GSK3B: variants seen among roughly 807,000 people sequenced by gnomAD.
GSK3B encodes the protein glycogen synthase kinase 3 beta.
GSK3B carries 15 observed loss-of-function variants against 56.4 expected under a neutral mutation model. The ratio of observed to expected loss-of-function variants is 0.27; its 90% CI spans 0.18 to 0.41. The LOEUF is 0.41. GSK3B is among the 10% of genes least tolerant of loss of function. The probability of loss-of-function intolerance (pLI) is 1.00; values close to 1 mark genes in which losing one functional copy is unlikely to be tolerated. For synonymous variants in GSK3B, 181 were observed against 188.9 expected (o/e 0.96, Z 0.34); for missense variants, 300 against 513.4 (o/e 0.58, Z 4.02).
At chr3:119,919,449 GA>G (rs1331490297) in intron 4 of GSK3B, among the ~76,000 whole-genome samples, 1 of 149,476 alleles carries the variant, frequency 6.7e-6, no homozygotes, top group East Asian at 2.0e-4. Context: ...AGATAAAAGG[GA>G]TCGATGTCCC....
intron 1 of GSK3B, among the ~76,000 whole-genome samples, chr3:120,008,142 A>C (rs2057745607): frequency 1.3e-5 from 2 of 152,204 alleles, no homozygotes; most frequent in African/African-American, 4.8e-5. Flanking sequence ...GGCTACTAAG[A>C]GAATAAAATA....
chr3:119,913,201 C>A (rs1222431499), intron 5 of GSK3B, among the ~76,000 whole-genome samples: 1 of 152,104 alleles, frequency 6.6e-6, no homozygotes, highest in East Asian at 1.9e-4. Flanking sequence ...ATACTCCTCA[C>A]CCAATGTATT....
chr3:119,910,644 C>T (rs1345271735), intron 6 of GSK3B, among the ~76,000 whole-genome samples: 1 of 152,150 alleles, frequency 6.6e-6, no homozygotes, highest in East Asian at 1.9e-4. Flanking sequence ...AAGTTTGCCA[C>T]ATCAACTGAC....
At chr3:119,948,823 T>C (rs930358930) in intron 2 of GSK3B, among the ~76,000 whole-genome samples, 1 of 152,080 alleles carries the variant, frequency 6.6e-6, no homozygotes, top group Non-Finnish European at 1.5e-5. Flanking sequence ...CTCAGCCTCC[T>C]GAGTAGCTGG....
intron 3 of GSK3B, among the ~76,000 whole-genome samples, chr3:119,944,309 T>C (rs2057078570): frequency 6.6e-6 from 1 of 152,160 alleles, no homozygotes. Context: ...GGGTTTCTTT[T>C]TACTGTCTTA....
chr3:119,865,765 G>A (rs949652092), intron 8 of GSK3B, among the ~76,000 whole-genome samples: 4 of 151,768 alleles, frequency 2.6e-5, no homozygotes, highest in South Asian at 2.1e-4. Flanking sequence ...CACCGTGCCC[G>A]GCCTATTTCC....
chr3:119,933,829 A>T (rs1395197687), intron 3 of GSK3B, among the ~76,000 whole-genome samples: 1 of 152,224 alleles, frequency 6.6e-6, no homozygotes, highest in Non-Finnish European at 1.5e-5. Context: ...GTGAGCAGAG[A>T]TCAAGCCACT....
At chr3:119,917,672 A>G (rs2319400) in intron 4 of GSK3B, among the ~76,000 whole-genome samples, 59,103 of 127,172 alleles carry the variant, frequency 0.46, 13,169 homozygotes, top group African/African-American at 0.7. Context: ...TTTTTTTTTT[A>G]AAAAAAAAAA....
At chr3:119,928,736 G>A (rs2056913933) in intron 3 of GSK3B, among the ~76,000 whole-genome samples, 1 of 151,144 alleles carries the variant, frequency 6.6e-6, no homozygotes, top group African/African-American at 2.4e-5. Flanking sequence ...AGTAAGATTA[G>A]CATGAGTCAC....
chr3:120,093,290 G>T, intron 1 of GSK3B, 57 bp downstream of exon 1: 1 of 1,103,534 alleles, frequency 9.1e-7, no homozygotes, highest in Non-Finnish European at 1.4e-6. Context: ...GGTATTTCGA[G>T]GTTTCTTATT....
Position 119,825,319 on chromosome 3 carries a change from C to T in GSK3B, c.*1469G>A, listed in dbSNP as rs2055486502. ...ACGGCAAACATAGTCCTTCAATTCT[C>T]CTTGCTTTCCAAGGAATATTGCTTT... On this transcript the variant is annotated 3_prime_UTR_variant, in exon 11 of 11. Coordinates refer to ENST00000264235, the MANE Select transcript of GSK3B (RefSeq NM_001146156.2). The T allele has an allele frequency of 8.7e-6, 2 of 229,648 alleles. No homozygotes were observed. Among genetic ancestry groups the T allele is most frequent in the Non-Finnish European group, 1.7e-5 (2 of 115,962 alleles). 14.2% of individuals were successfully genotyped at this position (229,648 alleles called of 1,614,324 possible).
intron 3 of GSK3B, among the ~76,000 whole-genome samples, chr3:119,942,463 T>C (rs1472994127): frequency 6.6e-6 from 1 of 152,066 alleles, no homozygotes; most frequent in African/African-American, 2.4e-5. Context: ...CACACCCAGA[T>C]AATTTTTTGT....
rs558232379 is a variant in GSK3B at position 119,911,440 on chromosome 3, A to T, written c.715+1264T>A. Reference sequence around the variant, plus strand: ...GAATGGTAAATGAGCAGTGGCTTGCACTTAAAAGTCACCAGCTACATTAGG... The same window carrying T: ...GAATGGTAAATGAGCAGTGGCTTGCTCTTAAAAGTCACCAGCTACATTAGG... On this transcript the variant is annotated intron_variant, in intron 6 of 10. Transcript: ENST00000264235. 1.2e-4 allele frequency among the ~76,000 whole-genome samples: 18 copies of T among 151,964 alleles called. No individual in the cohort carries two copies. The South Asian group carries it at 3.7e-3, about 32-fold the overall frequency.
At position 119,912,751 on chromosome 3, in the gene GSK3B, C is replaced by A; in HGVS notation, c.668G>T (p.Arg223Met). The change falls in exon 6 of 11, where the codon AGG becomes ATG. Residue 223 changes from arginine to methionine, a missense_variant. Coordinates refer to ENST00000264235, the MANE Select transcript of GSK3B (RefSeq NM_001146156.2). ...GGCTCCAAAGATCAACTCTGGTGCC[C>A]TATAGTACCGAGAACAGATATACGA... Reference protein sequence around the residue: ...NVSYICSRYYRAPELIFGATD... With the variant: ...NVSYICSRYYMAPELIFGATD... 1 of 1,600,112 alleles carries A rather than the reference C, an allele frequency of 6.2e-7. No individual in the cohort carries two copies. The highest frequency in any genetic ancestry group is 1.3e-5 in the African/African-American group (1 of 74,678).
intron 1 of GSK3B, among the ~76,000 whole-genome samples, chr3:120,070,288 AAG>A (rs2058316442): frequency 6.6e-6 from 1 of 152,074 alleles, no homozygotes; most frequent in Non-Finnish European, 1.5e-5. Context: ...TAAAAAAAAA[AAG>A]AGGATATAGA....
chr3:119,864,790 G>C (rs2056155463), intron 8 of GSK3B, among the ~76,000 whole-genome samples: 1 of 152,224 alleles, frequency 6.6e-6, no homozygotes, highest in African/African-American at 2.4e-5. Flanking sequence ...TATGAGTGCT[G>C]TCTACAGTGA....
intron 1 of GSK3B, among the ~76,000 whole-genome samples, chr3:120,074,873 A>G (rs2107568664): frequency 6.6e-6 from 1 of 152,330 alleles, no homozygotes; most frequent in South Asian, 2.1e-4. Flanking sequence ...CTTCCAAATA[A>G]TAGAGCTGTA....
intron 7 of GSK3B, among the ~76,000 whole-genome samples, chr3:119,903,354 T>A (rs1473607056): frequency 1.3e-5 from 2 of 152,160 alleles, no homozygotes; most frequent in Non-Finnish European, 2.9e-5. Context: ...TTTTGGAACT[T>A]ACTTACTATA....
chr3:120,075,962 G>C (rs2058364131), intron 1 of GSK3B, among the ~76,000 whole-genome samples: 1 of 152,048 alleles, frequency 6.6e-6, no homozygotes, highest in African/African-American at 2.4e-5. Context: ...CACGCTTCCT[G>C]AGTTAAAATT....
Sources: allele counts gnomAD v4.1 joint callset (sites outside exome capture counted in the v4.1 genomes callset), GRCh38; gene constraint gnomAD v4.1.1; transcripts MANE v1.5; gene names NCBI Gene and HGNC (gene_info 2026-07-23, HGNC 2026-07-21).